Variants in ME3 observed in about 807,000 individuals in gnomAD.
ME3 encodes the protein malic enzyme 3, also known as NADP-dependent malic enzyme, mitochondrial.
ME3 carries 48 observed loss-of-function variants against 68.9 expected under a neutral mutation model. The ratio of observed to expected loss-of-function variants is 0.70; its 90% CI spans 0.55 to 0.89. The LOEUF is 0.89. ME3 is among the 40% of genes least tolerant of loss of function. ME3 has a pLI of 0.00. For missense variants in ME3, 675 were observed against 797.4 expected (o/e 0.85, Z 1.85); for synonymous variants, 320 against 318.8 (o/e 1.00, Z -0.04).
At chr11:86,636,432 G>GAGTAGTGGC (rs1205864356) in intron 2 of ME3, among the ~76,000 whole-genome samples, 16 of 152,292 alleles carry the variant, frequency 1.1e-4, no homozygotes, top group Non-Finnish European at 1.9e-4. Flanking sequence ...CAGGACTGAA[G>GAGTAGTGGC]AGTAGTGGCT....
At chr11:86,522,163 T>C (rs756160818) in intron 4 of ME3, among the ~76,000 whole-genome samples, 11 of 152,080 alleles carry the variant, frequency 7.2e-5, no homozygotes, top group Admixed American at 3.3e-4. Context: ...GGTAGGAGAA[T>C]TGCTTGAACT....
chr11:86,654,251 C>T (rs183240534), intron 2 of ME3, among the ~76,000 whole-genome samples: 2 of 152,164 alleles, frequency 1.3e-5, no homozygotes, highest in African/African-American at 4.8e-5. Flanking sequence ...TTTTATGAGG[C>T]CAGCATCATC....
At chr11:86,497,396 G>C (rs530566378) in intron 6 of ME3, among the ~76,000 whole-genome samples, 1 of 152,264 alleles carries the variant, frequency 6.6e-6, no homozygotes, top group South Asian at 2.1e-4. Flanking sequence ...CATGCCCATG[G>C]TGGTTCCCAG....
chr11:86,582,905 T>C (rs573381776), intron 2 of ME3, among the ~76,000 whole-genome samples: 1 of 147,258 alleles, frequency 6.8e-6, no homozygotes, highest in Non-Finnish European at 1.5e-5. Context: ...TTATCCATGG[T>C]AAGGAAAAAA....
At chr11:86,531,777 G>A (rs1254315840) in intron 4 of ME3, among the ~76,000 whole-genome samples, 1 of 142,552 alleles carries the variant, frequency 7.0e-6, no homozygotes, top group Non-Finnish European at 1.5e-5. Flanking sequence ...ATTGAACAAT[G>A]AGAACACATG....
At chr11:86,543,095 AG>A (rs1390981444) in intron 4 of ME3, among the ~76,000 whole-genome samples, 1 of 152,228 alleles carries the variant, frequency 6.6e-6, no homozygotes, top group Non-Finnish European at 1.5e-5. Flanking sequence ...TTTACAGACA[AG>A]CAAATGCTGA....
intron 2 of ME3, among the ~76,000 whole-genome samples, chr11:86,566,884 T>C (rs1957507698): frequency 6.6e-6 from 1 of 151,922 alleles, no homozygotes; most frequent in South Asian, 2.1e-4. Flanking sequence ...TCAGAAAATG[T>C]GGTGGGGTGT....
intron 2 of ME3, among the ~76,000 whole-genome samples, chr11:86,628,427 A>G (rs981376677): frequency 6.6e-6 from 1 of 152,202 alleles, no homozygotes; most frequent in Non-Finnish European, 1.5e-5. Flanking sequence ...TTTTGGCTGC[A>G]TATTCGTGTT....
chr11:86,497,797 A>C (rs190942718), intron 6 of ME3, among the ~76,000 whole-genome samples, 166 bp downstream of exon 6: 55 of 152,264 alleles, frequency 3.6e-4, no homozygotes, highest in Admixed American at 9.8e-4. Flanking sequence ...CCAGGGAAGA[A>C]GGTCCTCTAC....
intron 4 of ME3, among the ~76,000 whole-genome samples, chr11:86,537,761 G>A (rs1033127931): frequency 6.6e-6 from 1 of 152,208 alleles, no homozygotes; most frequent in Admixed American, 6.5e-5. Flanking sequence ...GAGTGTTCAG[G>A]AGTGGGCTGC....
At position 86,573,262 on chromosome 11, in the gene ME3, G is replaced by C. The variant is rs867903730; in HGVS notation, c.184-13439C>G. 3.3e-5 allele frequency among the ~76,000 whole-genome samples: 5 copies of C among 152,180 alleles called. No homozygotes were observed. In the South Asian group the frequency reaches 1.0e-3, roughly 32 times the overall value. On this transcript the variant is annotated intron_variant, in intron 2 of 14. Transcript: ENST00000543262. ...CACTCTGATGATAGTTTCCTTTGCT[G>C]TTGAGAAGCTCTTTAGTTTAATTAG...
At chr11:86,572,459 G>A (rs1158515951) in intron 2 of ME3, among the ~76,000 whole-genome samples, 2 of 152,026 alleles carry the variant, frequency 1.3e-5, no homozygotes, top group Non-Finnish European at 2.9e-5. Context: ...AACAGGCCCC[G>A]ATGTATGTTG....
intron 6 of ME3, among the ~76,000 whole-genome samples, chr11:86,495,385 G>A (rs1449354985): frequency 6.6e-6 from 1 of 152,210 alleles, no homozygotes; most frequent in East Asian, 1.9e-4. Context: ...ATTGCTGAGT[G>A]CTGGACCTTC....
chr11:86,620,586 T>C (rs897677346), intron 2 of ME3, among the ~76,000 whole-genome samples: 1 of 152,216 alleles, frequency 6.6e-6, no homozygotes, highest in African/African-American at 2.4e-5. Context: ...TGCAGCACTA[T>C]GCTATATGGT....
At chr11:86,566,355 A>G (rs961455441) in intron 2 of ME3, among the ~76,000 whole-genome samples, 1 of 152,240 alleles carries the variant, frequency 6.6e-6, no homozygotes, top group Non-Finnish European at 1.5e-5. Context: ...TATGCTGTTG[A>G]CAGGCAGCTT....
intron 2 of ME3, among the ~76,000 whole-genome samples, chr11:86,652,398 T>G (rs374776422): frequency 3.3e-5 from 5 of 152,230 alleles, no homozygotes; most frequent in African/African-American, 7.2e-5. Context: ...CTGATCTCTC[T>G]GCAGAAACTC....
chr11:86,467,652 C>T (rs1036348600), intron 7 of ME3, among the ~76,000 whole-genome samples: 19 of 126,844 alleles, frequency 1.5e-4, no homozygotes, highest in African/African-American at 5.6e-4. Context: ...GTGTGTCTGT[C>T]TCTCTCTGTT....
chr11:86,496,919 A>G (rs1027633795), intron 6 of ME3, among the ~76,000 whole-genome samples: 5 of 151,618 alleles, frequency 3.3e-5, no homozygotes, highest in Non-Finnish European at 7.3e-5. Context: ...ACCAATATGT[A>G]AACAATGATT....
chr11:86,555,764 CGT>C (rs1956896409), intron 4 of ME3, among the ~76,000 whole-genome samples: 1 of 152,136 alleles, frequency 6.6e-6, no homozygotes, highest in African/African-American at 2.4e-5. Flanking sequence ...CCATAAAACG[CGT>C]GATTTACAAA....
Sources: gnomAD v4.1 joint callset for allele counts (sites outside exome capture counted in the v4.1 genomes callset) on GRCh38, gnomAD v4.1.1 for gene constraint, MANE v1.5 for transcripts, NCBI Gene and HGNC (gene_info 2026-07-23, HGNC 2026-07-21) for gene names.